The following PCDH7 variants were observed in gnomAD, a reference collection of about 807,000 sequenced individuals.
PCDH7 encodes protocadherin 7, also known as protocadherin-7.
PCDH7 carries 17 observed loss-of-function variants against 58.9 expected under a neutral mutation model. The ratio of observed to expected loss-of-function variants is 0.29; its 90% CI spans 0.20 to 0.43. The LOEUF is 0.43. Among genes scored for constraint, PCDH7 ranks in the 20% least tolerant of loss-of-function variants. The probability of loss-of-function intolerance (pLI) is 1.00; values close to 1 mark genes in which losing one functional copy is unlikely to be tolerated. For missense variants in PCDH7, 1,274 were observed against 1,441.0 expected (o/e 0.88, Z 1.88); for synonymous variants, 664 against 616.4 (o/e 1.08, Z -1.14).
intron 1 of PCDH7, among the ~76,000 whole-genome samples, chr4:30,864,232 A>C (rs1036530243): frequency 3.3e-5 from 5 of 152,080 alleles, no homozygotes; most frequent in African/African-American, 1.2e-4. Flanking sequence ...GAAAGAAAAA[A>C]CAGCACAATA....
At chr4:30,893,162 C>T (rs1738839495) in intron 1 of PCDH7, among the ~76,000 whole-genome samples, 1 of 152,026 alleles carries the variant, frequency 6.6e-6, no homozygotes, top group Non-Finnish European at 1.5e-5. Flanking sequence ...ACTATATTAT[C>T]TCAAAATTGG....
At chr4:30,990,410 T>C (rs1751369689) in intron 3 of PCDH7, among the ~76,000 whole-genome samples, 1 of 152,118 alleles carries the variant, frequency 6.6e-6, no homozygotes, top group Non-Finnish European at 1.5e-5. Context: ...AGAATGCTAC[T>C]TACTATGATT....
At chr4:30,730,850 C>T in exon 2 of PCDH7, 8 of 1,523,804 alleles carry the variant, frequency 5.3e-6, no homozygotes, top group Non-Finnish European at 7.0e-6. Flanking sequence ...TACTCCGAAA[C>T]CTGCTGGAGC....
intron 3 of PCDH7, among the ~76,000 whole-genome samples, chr4:31,053,931 A>G (rs374459921): frequency 6.6e-6 from 1 of 152,176 alleles, no homozygotes; most frequent in South Asian, 2.1e-4. Flanking sequence ...AGCAGCAATG[A>G]TAATACATAC....
At chr4:31,054,069 A>G (rs1756958662) in intron 3 of PCDH7, among the ~76,000 whole-genome samples, 1 of 151,950 alleles carries the variant, frequency 6.6e-6, no homozygotes, top group Admixed American at 6.6e-5. Context: ...AGGCTCAAGC[A>G]ATCCTCCCAC....
chr4:30,747,697 A>G (rs1717955107), intron 1 of PCDH7, among the ~76,000 whole-genome samples: 1 of 152,228 alleles, frequency 6.6e-6, no homozygotes. Flanking sequence ...TTATTTGTTT[A>G]GAAACTTTAA....
intron 1 of PCDH7, among the ~76,000 whole-genome samples, chr4:30,750,429 G>T (rs1577652576): frequency 6.6e-6 from 1 of 152,142 alleles, no homozygotes; most frequent in African/African-American, 2.4e-5. Flanking sequence ...AGAGTGGAAA[G>T]AATAGGTGTA....
intron 1 of PCDH7, among the ~76,000 whole-genome samples, chr4:30,882,853 C>G (rs1737169516): frequency 6.6e-6 from 1 of 152,176 alleles, no homozygotes; most frequent in Non-Finnish European, 1.5e-5. Flanking sequence ...CTTCATATAT[C>G]CAAATATCTT....
intron 3 of PCDH7, among the ~76,000 whole-genome samples, chr4:31,025,164 T>C (rs1214487439): frequency 1.3e-5 from 2 of 152,230 alleles, no homozygotes; most frequent in Non-Finnish European, 2.9e-5. Context: ...AACTCACAAT[T>C]CTGTGTCATT....
intron 3 of PCDH7, among the ~76,000 whole-genome samples, chr4:30,951,365 T>C (rs904008847): frequency 1.3e-5 from 2 of 152,220 alleles, no homozygotes; most frequent in East Asian, 3.9e-4. Flanking sequence ...ACCATTAATC[T>C]TCATTTAGAA....
intron 1 of PCDH7, among the ~76,000 whole-genome samples, chr4:30,810,756 A>G (rs1417933736): frequency 6.6e-6 from 1 of 151,864 alleles, no homozygotes; most frequent in East Asian, 1.9e-4. Context: ...GATTACAGGA[A>G]CCCACCACCA....
intron 3 of PCDH7, among the ~76,000 whole-genome samples, chr4:31,020,609 A>C (rs563736830): frequency 1.2e-4 from 18 of 152,160 alleles, no homozygotes; most frequent in Non-Finnish European, 2.1e-4. Context: ...AAAAAGCAAG[A>C]AAAAAAAGTA....
At chr4:30,788,762 G>C (rs891242786) in intron 1 of PCDH7, among the ~76,000 whole-genome samples, 17 of 152,190 alleles carry the variant, frequency 1.1e-4, no homozygotes, top group Non-Finnish European at 2.4e-4. Context: ...GAACAAGTTA[G>C]AAGTCTAGAT....
intron 1 of PCDH7, among the ~76,000 whole-genome samples, chr4:30,752,383 T>G (rs1577660298): frequency 6.6e-6 from 1 of 152,110 alleles, no homozygotes; most frequent in African/African-American, 2.4e-5. Flanking sequence ...ATGGAGCAGG[T>G]TCATGGATGA....
At chr4:31,064,854 T>A (rs1211947539) in intron 3 of PCDH7, among the ~76,000 whole-genome samples, 6 of 151,892 alleles carry the variant, frequency 4.0e-5, no homozygotes, top group Admixed American at 3.9e-4. Flanking sequence ...TCAATTCAGT[T>A]CATAACACAC....
At chr4:30,985,937 A>C (rs1316664869) in intron 3 of PCDH7, among the ~76,000 whole-genome samples, 1 of 152,172 alleles carries the variant, frequency 6.6e-6, no homozygotes, top group Non-Finnish European at 1.5e-5. Context: ...TAACAACAAC[A>C]AAATAGATGC....
intron 3 of PCDH7, among the ~76,000 whole-genome samples, chr4:31,002,460 G>A (rs1752433487): frequency 6.6e-6 from 1 of 152,188 alleles, no homozygotes. Context: ...AATAAGCTTG[G>A]TAGAGTTATA....
intron 1 of PCDH7, among the ~76,000 whole-genome samples, chr4:30,805,932 G>A (rs890488752): frequency 6.6e-6 from 1 of 152,142 alleles, no homozygotes; most frequent in Admixed American, 6.6e-5. Context: ...GAAATGCTTG[G>A]GACCAGAAGT....
intron 2 of PCDH7, among the ~76,000 whole-genome samples, chr4:30,944,315 CTATTAAAATA>C (rs895734111): frequency 2.8e-4 from 42 of 151,816 alleles, no homozygotes; most frequent in African/African-American, 9.4e-4. Flanking sequence ...TAGTAATTTT[CTATTAAAATA>C]TATTATTTTT....
Sources: allele counts gnomAD v4.1 joint callset (sites outside exome capture counted in the v4.1 genomes callset), GRCh38; gene constraint gnomAD v4.1.1; transcripts MANE v1.5; gene names NCBI Gene and HGNC (gene_info 2026-07-23, HGNC 2026-07-21).